The following TRIM33 variants were observed in gnomAD, a reference collection of about 807,000 sequenced individuals.
The protein encoded by TRIM33 is tripartite motif containing 33.
Under a neutral mutation model 125.4 loss-of-function variants are expected in TRIM33, and 20 were observed. The observed-to-expected ratio is 0.16, with a 90% CI of 0.11 to 0.23. The LOEUF (loss-of-function observed/expected upper bound fraction) is 0.23, where lower values mean the gene tolerates loss of function less well. TRIM33 is among the 10% of genes least tolerant of loss of function. TRIM33 has a pLI of 1.00. For synonymous variants in TRIM33, 564 were observed against 513.9 expected (o/e 1.10, Z -1.32); for missense variants, 920 against 1,411.4 (o/e 0.65, Z 5.58).
intron 18 of TRIM33, 121 bp from the exon 19 acceptor site, chr1:114,398,111 C>T: frequency 3.1e-6 from 3 of 962,612 alleles, no homozygotes; most frequent in Non-Finnish European, 4.6e-6. Context: ...ATTGCTATAA[C>T]CAGATAAAGT....
At chr1:114,492,980 C>T (rs1255034982) in intron 1 of TRIM33, among the ~76,000 whole-genome samples, 3 of 152,186 alleles carry the variant, frequency 2.0e-5, no homozygotes, top group Non-Finnish European at 2.9e-5. Flanking sequence ...TCTGAGGAAC[C>T]ACCAAACTGT....
intron 16 of TRIM33, among the ~76,000 whole-genome samples, 162 bp from the exon 17 acceptor site, chr1:114,401,625 C>T (rs2101084540): frequency 6.6e-6 from 1 of 152,236 alleles, no homozygotes; most frequent in Admixed American, 6.5e-5. Context: ...AAAGAAAATT[C>T]CCTTGCTTCT....
At chr1:114,440,905 A>T (rs1189288647) in intron 4 of TRIM33, among the ~76,000 whole-genome samples, 1 of 152,266 alleles carries the variant, frequency 6.6e-6, no homozygotes, top group African/African-American at 2.4e-5. Context: ...AGACACAATC[A>T]CAACGCACAT....
intron 1 of TRIM33, among the ~76,000 whole-genome samples, chr1:114,487,540 GA>G (rs928284112): frequency 2.4e-4 from 36 of 147,386 alleles, no homozygotes; most frequent in Admixed American, 6.1e-4. Flanking sequence ...TGCCGTAACA[GA>G]AAAAAAAAAT....
chr1:114,430,347 C>A (rs1194765200), intron 6 of TRIM33, among the ~76,000 whole-genome samples: 2 of 152,068 alleles, frequency 1.3e-5, no homozygotes, highest in Non-Finnish European at 2.9e-5. Context: ...CGGGCTCAGT[C>A]GATCCTCCCA....
intron 1 of TRIM33, among the ~76,000 whole-genome samples, chr1:114,470,016 T>G (rs1234690000): frequency 6.6e-6 from 1 of 152,236 alleles, no homozygotes; most frequent in Non-Finnish European, 1.5e-5. Flanking sequence ...TGAAGCTGGC[T>G]TAAGGTGAAG....
intron 15 of TRIM33, 33 bp from the exon 16 acceptor site, chr1:114,402,916 A>G (rs1473137278): frequency 1.5e-5 from 24 of 1,581,820 alleles, no homozygotes; most frequent in Non-Finnish European, 2.1e-5. Flanking sequence ...AGTCCACGTA[A>G]TTATAAGAAA....
At chr1:114,500,235 A>T (rs192504719) in intron 1 of TRIM33, among the ~76,000 whole-genome samples, 2 of 152,358 alleles carry the variant, frequency 1.3e-5, no homozygotes, top group African/African-American at 4.8e-5. Context: ...ATAAATAGGC[A>T]GACACAATAA....
intron 1 of TRIM33, among the ~76,000 whole-genome samples, chr1:114,489,626 TC>T (rs1651926051): frequency 6.6e-6 from 1 of 151,894 alleles, no homozygotes; most frequent in Non-Finnish European, 1.5e-5. Flanking sequence ...GCACCTGTAG[TC>T]CCAGCTACTT....
In TRIM33 at chr1:114,502,140, C is replaced by T. The variant is rs533796950; in HGVS notation, c.526+8411G>A. On this transcript the variant is annotated intron_variant, in intron 1 of 19. Transcript: ENST00000358465. ...TTTAACTTCAGTTAATAAGTACTTTCTTCATTTTTACATTTTACTAAAGGG... is the reference window on the plus strand; with the variant it reads ...TTTAACTTCAGTTAATAAGTACTTTTTTCATTTTTACATTTTACTAAAGGG... Among the ~76,000 whole-genome samples, 9 of 152,298 alleles carry T rather than the reference C, an allele frequency of 5.9e-5. No homozygotes were observed. The South Asian group carries it at 1.9e-3, about 32-fold the overall frequency.
chr1:114,497,338 C>T (rs1159486759), intron 1 of TRIM33, among the ~76,000 whole-genome samples: 1 of 152,048 alleles, frequency 6.6e-6, no homozygotes, highest in Non-Finnish European at 1.5e-5. Context: ...CTCTTATTGC[C>T]CAGGCTGGAG....
intron 1 of TRIM33, chr1:114,469,302 T>A: frequency 5.2e-6 from 1 of 191,138 alleles, no homozygotes; most frequent in South Asian, 1.3e-4. Flanking sequence ...ATCACTGATT[T>A]TACAACGTGT....
intron 1 of TRIM33, among the ~76,000 whole-genome samples, chr1:114,474,429 C>A (rs1570621442): frequency 6.7e-6 from 1 of 149,926 alleles, no homozygotes; most frequent in African/African-American, 2.4e-5. Flanking sequence ...AAAAATTAAG[C>A]CAGGTGTGGT....
intron 11 of TRIM33, among the ~76,000 whole-genome samples, chr1:114,418,179 GGAGA>G (rs548064484): frequency 3.5e-4 from 53 of 152,284 alleles, no homozygotes; most frequent in African/African-American, 1.3e-3. Flanking sequence ...CAAGGCAGTA[GGAGA>G]GAGAGTGAGT....
In TRIM33 at chr1:114,503,905, C is replaced by T. The variant is rs909550457; in HGVS notation, c.526+6646G>A. On this transcript the variant is annotated intron_variant, in intron 1 of 19. Coordinates refer to ENST00000358465, the MANE Select transcript of TRIM33 (RefSeq NM_015906.4). The stretch of plus-strand genomic sequence containing the variant: ...AGTTTTCTATGAAAAAAAGCAAATT[C>T]AGCTTGGAACTCAAAAAACTGCACA... Among the ~76,000 whole-genome samples, 6 of 152,268 alleles carry T rather than the reference C, an allele frequency of 3.9e-5. 1 individual carries two copies. The highest frequency in any genetic ancestry group is 6.5e-5 in the Admixed American group (1 of 15,292).
intron 4 of TRIM33, among the ~76,000 whole-genome samples, chr1:114,435,401 C>A (rs34732139): frequency 0.13 from 20,390 of 152,142 alleles, 1,760 homozygotes; most frequent in Non-Finnish European, 0.19. Flanking sequence ...AGAAACAAAT[C>A]ATTGGAAATG....
chr1:114,504,838 A>G (rs889815009), intron 1 of TRIM33, among the ~76,000 whole-genome samples: 1 of 152,240 alleles, frequency 6.6e-6, no homozygotes, highest in Admixed American at 6.5e-5. Flanking sequence ...TTGGAACTCA[A>G]ATGATTTATC....
intron 11 of TRIM33, among the ~76,000 whole-genome samples, chr1:114,413,209 G>A (rs1652697734): frequency 1.3e-5 from 2 of 152,096 alleles, no homozygotes; most frequent in Non-Finnish European, 2.9e-5. Context: ...AACATCCAAT[G>A]AAATGGAATA....
At chr1:114,500,909 G>GAGGGACTTGGCAGGCAGTTCT (rs1570678933) in intron 1 of TRIM33, among the ~76,000 whole-genome samples, 1 of 134,198 alleles carries the variant, frequency 7.5e-6, no homozygotes. Flanking sequence ...AAGAATTTGG[G>GAGGGACTTGGCAGGCAGTTCT]GCCGGGCGCG....
Sources: gnomAD v4.1 joint callset for allele counts (sites outside exome capture counted in the v4.1 genomes callset) on GRCh38, gnomAD v4.1.1 for gene constraint, MANE v1.5 for transcripts, NCBI Gene and HGNC (gene_info 2026-07-23, HGNC 2026-07-21) for gene names.